Variants in DNAH11 observed in about 807,000 individuals in gnomAD.
DNAH11 encodes the protein axonemal beta dynein heavy chain 11.
Under a neutral mutation model 526.0 loss-of-function variants are expected in DNAH11, and 442 were observed. The observed-to-expected ratio is 0.84, with a 90% CI of 0.78 to 0.91. The LOEUF is 0.91. DNAH11 is among the 40% of genes least tolerant of loss of function. DNAH11 has a pLI of 0.00. For synonymous variants in DNAH11, 2,461 were observed against 1,935.9 expected (o/e 1.27, Z -7.12); for missense variants, 6,989 against 5,448.7 (o/e 1.28, Z -8.90).
Position 21,600,795 on chromosome 7 carries a change from C to T in DNAH11, c.3120C>T (p.Leu1040=). The T allele has an allele frequency of 1.9e-6, 3 of 1,613,900 alleles. No individual in the cohort carries two copies. Among genetic ancestry groups the T allele is most frequent in the South Asian group, 1.1e-5 (1 of 91,072 alleles). ...FRNTLETHTY[L]WVDDRAEFMK... is the part of the protein sequence containing the mutation. ...ACACCCTGGAGACCCACACTTACCT[C>T]TGGGTGGATGATCGAGCTGAGTTTA... is the stretch of plus-strand genomic sequence containing the variant. Residue 1040 remains leucine (L), a synonymous_variant, in exon 16 of 82, where the codon CTC becomes CTT. Coordinates refer to ENST00000409508, the MANE Select transcript of DNAH11 (RefSeq NM_001277115.2).
intron 8 of DNAH11, among the ~76,000 whole-genome samples, chr7:21,576,911 C>G (rs1031514421): frequency 6.6e-6 from 1 of 152,066 alleles, no homozygotes; most frequent in African/African-American, 2.4e-5. Context: ...TGTGTTACTA[C>G]TTATTTCTGA....
chr7:21,589,177 A>G, intron 11 of DNAH11, 31 bp from the exon 12 acceptor site: 1 of 1,540,812 alleles, frequency 6.5e-7, no homozygotes, highest in East Asian at 2.3e-5. Context: ...TAATATACGT[A>G]TAAACCAGTA....
intron 76 of DNAH11, among the ~76,000 whole-genome samples, chr7:21,890,298 A>G (rs1207284011): frequency 6.6e-6 from 1 of 152,128 alleles, no homozygotes. Context: ...CTCATTGCCT[A>G]CCATATGGAA....
At position 21,900,948 on chromosome 7, in the gene DNAH11, GATCATT is replaced by G. The variant is rs1784783613; in HGVS notation, c.13304-51_13304-46del. The G allele has an allele frequency of 2.4e-5, 33 of 1,390,144 alleles. 1 individual carries two copies. Among genetic ancestry groups the G allele is most frequent in the Middle Eastern group, 3.8e-4 (2 of 5,260 alleles). The allele number at this position is 1,390,144 out of a possible 1,614,324, so 86.1% of individuals were successfully genotyped here. ...GTTTATTGCATCAAACAACTTACTT[GATCATT>G]ATCATTAGTAGCAAGCTGCCACACA... is the stretch of plus-strand genomic sequence containing the variant. On this transcript the variant is annotated intron_variant, in intron 81 of 81. Transcript: ENST00000409508.
intron 28 of DNAH11, among the ~76,000 whole-genome samples, chr7:21,651,326 G>T (rs1411987162): frequency 6.6e-6 from 1 of 151,940 alleles, no homozygotes; most frequent in Non-Finnish European, 1.5e-5. Flanking sequence ...ATAATTGTAA[G>T]CTGCCGTAAT....
At chr7:21,786,382 T>A (rs1351741667) in intron 58 of DNAH11, among the ~76,000 whole-genome samples, 1 of 151,952 alleles carries the variant, frequency 6.6e-6, no homozygotes, top group African/African-American at 2.4e-5. Flanking sequence ...GATATATAGA[T>A]CATTTTTCTT....
At chr7:21,889,330 T>C (rs529450750) in intron 76 of DNAH11, among the ~76,000 whole-genome samples, 1 of 152,370 alleles carries the variant, frequency 6.6e-6, no homozygotes, top group South Asian at 2.1e-4. Flanking sequence ...CCTTCTTGGC[T>C]ATTATGAATA....
At chr7:21,655,714 A>AT in intron 28 of DNAH11, 118 bp from the exon 29 acceptor site, 1 of 1,058,846 alleles carries the variant, frequency 9.4e-7, no homozygotes, top group Non-Finnish European at 1.3e-6. Flanking sequence ...GAGGGAAAAC[A>AT]TTTTGAGACA....
At chr7:21,769,469 C>CT (rs1354749537) in intron 55 of DNAH11, among the ~76,000 whole-genome samples, 1 of 148,818 alleles carries the variant, frequency 6.7e-6, no homozygotes, top group Non-Finnish European at 1.5e-5. Context: ...AGCTGGATTG[C>CT]TTTTTTATTC....
intron 66 of DNAH11, among the ~76,000 whole-genome samples, chr7:21,847,610 C>G (rs906792429): frequency 1.3e-5 from 2 of 152,086 alleles, no homozygotes; most frequent in Admixed American, 6.5e-5. Context: ...GGCAAATGTT[C>G]CATGTGAGCT....
chr7:21,690,870 A>T lies in DNAH11; in HGVS notation c.6030A>T (p.Lys2010Asn). The T allele has an allele frequency of 6.2e-7, 1 of 1,611,732 alleles. No homozygotes were observed. The highest frequency in any genetic ancestry group is 8.5e-7 in the Non-Finnish European group (1 of 1,178,622). ...AGRTELPENLKALFRPCAMVA... is the reference protein window; with the variant it reads ...AGRTELPENLNALFRPCAMVA... ...GAACCGAATTACCGGAAAATCTCAA[A>T]GCTCTTTTCAGGCAAGTGTTATGCT... Residue 2010 changes from lysine to asparagine, a missense_variant, in exon 35 of 82, where the codon AAA becomes AAT. Physicochemically the swap from Lys to Asn is moderately conservative, Grantham distance 94 (BLOSUM62 0). Coordinates refer to ENST00000409508, the MANE Select transcript of DNAH11 (RefSeq NM_001277115.2).
intron 20 of DNAH11, among the ~76,000 whole-genome samples, chr7:21,612,101 GAAACTTAA>G (rs1476963708): frequency 6.6e-6 from 1 of 152,000 alleles, no homozygotes; most frequent in Non-Finnish European, 1.5e-5. Flanking sequence ...CTATTAATAA[GAAACTTAA>G]AAACTTAAAA....
chr7:21,787,201 G>T (rs1788229681), intron 59 of DNAH11, among the ~76,000 whole-genome samples, 200 bp from the exon 60 acceptor site: 1 of 152,186 alleles, frequency 6.6e-6, no homozygotes, highest in Non-Finnish European at 1.5e-5. Context: ...TTTACCCTGG[G>T]ATAGAAGAGG....
intron 61 of DNAH11, among the ~76,000 whole-genome samples, chr7:21,793,897 A>G (rs1269635369): frequency 2.0e-5 from 3 of 152,164 alleles, no homozygotes; most frequent in Non-Finnish European, 4.4e-5. Context: ...CTTGAACTCC[A>G]GTGACTGTTA....
intron 34 of DNAH11, among the ~76,000 whole-genome samples, chr7:21,689,472 A>G (rs1783519624): frequency 6.6e-6 from 1 of 152,174 alleles, no homozygotes; most frequent in Admixed American, 6.5e-5. Flanking sequence ...AAGAGATGGG[A>G]CCATGCCTCA....
intron 74 of DNAH11, among the ~76,000 whole-genome samples, chr7:21,877,180 A>C (rs1199101365): frequency 6.6e-6 from 1 of 152,210 alleles, no homozygotes; most frequent in African/African-American, 2.4e-5. Context: ...AGGTTTAGAC[A>C]AGTCAACTGT....
chr7:21,598,169 C>A (rs139994104), intron 14 of DNAH11, among the ~76,000 whole-genome samples: 194 of 152,328 alleles, frequency 1.3e-3, no homozygotes, highest in African/African-American at 4.4e-3. Context: ...GTATAGTCCA[C>A]CTTACAATCA....
intron 14 of DNAH11, among the ~76,000 whole-genome samples, chr7:21,594,589 G>A (rs1197131748): frequency 1.3e-5 from 2 of 152,140 alleles, no homozygotes; most frequent in Non-Finnish European, 2.9e-5. Flanking sequence ...ATCAGAGTAG[G>A]CCTCAACCAG....
chr7:21,735,641 C>A lies in DNAH11; in HGVS notation c.7442C>A (p.Thr2481Lys). 6.3e-7 allele frequency: 1 copy of A among 1,577,682 alleles called. No individual in the cohort carries two copies. The highest frequency in any genetic ancestry group is 8.6e-7 in the Non-Finnish European group (1 of 1,160,114). Residue 2481 changes from threonine to lysine, a missense_variant and splice_region_variant, in exon 46 of 82, where the codon ACA becomes AAA. Coordinates refer to ENST00000409508, the MANE Select transcript of DNAH11 (RefSeq NM_001277115.2). The part of the protein sequence containing the change: ...FTMDPDVPLQ[T>K]VLVHTTETAR... ...GTCTCATTCTGTTTCTCCTCCCAGA[C>A]AGTTCTCGTTCACACAACAGAGACA...
Sources: gnomAD v4.1 joint callset for allele counts (sites outside exome capture counted in the v4.1 genomes callset) on GRCh38, gnomAD v4.1.1 for gene constraint, MANE v1.5 for transcripts, NCBI Gene and HGNC (gene_info 2026-07-23, HGNC 2026-07-21) for gene names.